SF3B1: variants seen among roughly 807,000 people sequenced by gnomAD.
SF3B1 encodes the protein splicing factor 3b subunit 1.
A neutral mutation model predicts 153.8 loss-of-function variants in SF3B1; 12 were observed. The ratio of observed to expected loss-of-function variants is 0.08; its 90% confidence interval spans 0.05 to 0.13. The LOEUF (loss-of-function observed/expected upper bound fraction) is 0.13. SF3B1 is among the 10% of genes least tolerant of loss of function. SF3B1 has a pLI of 1.00. For missense variants in SF3B1, 513 were observed against 1,606.1 expected, an observed-to-expected ratio of 0.32 and a Z score of 11.63; for synonymous variants, 498 against 525.2, an observed-to-expected ratio of 0.95 and a Z score of 0.71.
Position 197,392,279 on chromosome 2 carries a change from T to C in SF3B1, c.*24A>G, listed in dbSNP as rs749888349. 1.0e-6 allele frequency: 1 copy of C among 971,810 alleles called. No homozygotes were observed. Among genetic ancestry groups the C allele is most frequent in the Non-Finnish European group, 1.6e-6 (1 of 611,152 alleles). The allele number at this position is 971,810 out of a possible 1,614,324, so 60.2% of individuals were successfully genotyped here. A position where few individuals can be genotyped will look rare whatever the true frequency, so the allele number is the denominator to read the frequency against. ...GTTTAAGGTGTGAAGTAGCTGTGCATTAAACACAAAATAAACAATAAAATT... is the reference window on the plus strand; with the variant it reads ...GTTTAAGGTGTGAAGTAGCTGTGCACTAAACACAAAATAAACAATAAAATT... On this transcript the variant is annotated 3_prime_UTR_variant, in exon 25 of 25. Coordinates refer to ENST00000335508, the MANE Select transcript of SF3B1 (RefSeq NM_012433.4).
Position 197,400,520 on chromosome 2 carries a change from C to A in SF3B1, c.2719-86G>T. 1 of 1,215,298 alleles carries A rather than the reference C, an allele frequency of 8.2e-7. No individual in the cohort carries two copies. The highest frequency in any genetic ancestry group is 1.5e-5 in the South Asian group (1 of 65,688). 75.3% of individuals were successfully genotyped at this position (1,215,298 alleles called of 1,614,324 possible). Reference sequence around the variant, plus strand: ...ACACTAAGAGTCAACCTTTTCTAACCACCCAAACATCTGTTGCTGTTTTTT... The same window carrying A: ...ACACTAAGAGTCAACCTTTTCTAACAACCCAAACATCTGTTGCTGTTTTTT... On this transcript the variant is annotated intron_variant, in intron 18 of 24. Transcript: ENST00000335508. The surrounding 1 kb of genome is among the most constrained non-coding windows in gnomAD (Gnocchi z 5.0).
At chr2:197,428,828 G>T (rs1221476239) in intron 1 of SF3B1, among the ~76,000 whole-genome samples, 1 of 152,126 alleles carries the variant, frequency 6.6e-6, no homozygotes, top group Non-Finnish European at 1.5e-5. Context: ...CTGGGAGGTG[G>T]AGGTTGCAGT....
chr2:197,418,662 C>T, intron 4 of SF3B1, 74 bp from the exon 5 acceptor site: 1 of 1,546,408 alleles, frequency 6.5e-7, no homozygotes, highest in Admixed American at 2.0e-5. Flanking sequence ...ATTTATCTGC[C>T]CTGCTCTAAA....
intron 6 of SF3B1, 45 bp downstream of exon 6, chr2:197,416,695 GA>G (rs1241871978): frequency 6.4e-6 from 10 of 1,570,516 alleles, no homozygotes; most frequent in African/African-American, 1.4e-5. Flanking sequence ...GTCCATAACA[GA>G]AAAAAATTTT....
rs369450323 is a variant in SF3B1 at position 197,392,574 on chromosome 2, G to GA, written c.3757-114_3757-113insT. 50 of 354,546 alleles carry GA rather than the reference G, an allele frequency of 1.4e-4. 3 individuals carry two copies. Among genetic ancestry groups the GA allele is most frequent in the African/African-American group, 1.1e-3 (49 of 43,674 alleles). The allele number at this position is 354,546 out of a possible 1,614,324, so 22.0% of individuals were successfully genotyped here. A position where few individuals can be genotyped will look rare whatever the true frequency, so the allele number is the denominator to read the frequency against. ...AAATTATTTCCCTTGGGGAGTTGGG[G>GA]GGGGGGGAACCTACTAATTACACTG... On this transcript the variant is annotated intron_variant, in intron 24 of 24. Coordinates refer to ENST00000335508, the MANE Select transcript of SF3B1 (RefSeq NM_012433.4).
chr2:197,407,024 G>A (rs922011623), intron 9 of SF3B1, among the ~76,000 whole-genome samples: 6 of 151,888 alleles, frequency 4.0e-5, no homozygotes, highest in Non-Finnish European at 7.4e-5. Flanking sequence ...GGAGTCCAAG[G>A]CTGCAGTGAG....
chr2:197,410,020 A>T lies in SF3B1; in HGVS notation c.667-13T>A, dbSNP rs1159594716. On this transcript the variant is annotated splice_polypyrimidine_tract_variant and intron_variant, in intron 6 of 24. Coordinates refer to ENST00000335508, the MANE Select transcript of SF3B1 (RefSeq NM_012433.4). ...TATGCCCAGGGGTCTTAAAAAAGCA[A>T]AAAAATTTTATTTCACACACCCACA... is the stretch of plus-strand genomic sequence containing the variant. The T allele has an allele frequency of 1.9e-6, 3 of 1,557,144 alleles. No individual in the cohort carries two copies. Among genetic ancestry groups the T allele is most frequent in the Non-Finnish European group, 2.6e-6 (3 of 1,141,850 alleles).
chr2:197,398,821 A>G (rs940803297), intron 20 of SF3B1: 3 of 513,520 alleles, frequency 5.8e-6, no homozygotes, highest in Non-Finnish European at 3.6e-6. Context: ...TGGATACTCA[A>G]TAACAAAAAA....
rs144553283 is a variant in SF3B1 at position 197,396,139 on chromosome 2, G to A, written c.3456C>T (p.Ser1152=). The change falls in exon 23 of 25, where the codon TCC becomes TCT. Residue 1152 remains serine, a synonymous_variant. Coordinates refer to ENST00000335508, the MANE Select transcript of SF3B1 (RefSeq NM_012433.4). Reference sequence around the variant, plus strand: ...TTTCACCAATATATTCAAACAAGAAGGAAAGCGATTTTAACACTCCATTTT... The same window carrying A: ...TTTCACCAATATATTCAAACAAGAAAGAAAGCGATTTTAACACTCCATTTT... ...NVQNGVLKSL[S]FLFEYIGEMG... is the part of the protein sequence containing the mutation. 1,130 of 1,613,800 alleles carry A rather than the reference G, an allele frequency of 7.0e-4. No homozygotes were observed. The highest frequency in any genetic ancestry group is 8.6e-4 in the Non-Finnish European group (1,010 of 1,179,760).
chr2:197,395,121 T>G (rs2084861307), intron 23 of SF3B1, among the ~76,000 whole-genome samples: 1 of 152,232 alleles, frequency 6.6e-6, no homozygotes, highest in South Asian at 2.1e-4. Flanking sequence ...ATTACTCCCT[T>G]AACTTCTTAG....
At chr2:197,395,903 A>C (rs1358260254) in intron 23 of SF3B1, among the ~76,000 whole-genome samples, 153 bp downstream of exon 23, 2 of 152,242 alleles carry the variant, frequency 1.3e-5, no homozygotes, top group African/African-American at 4.8e-5. Context: ...ATTTTAAAAT[A>C]ATAAGTCATA....
chr2:197,409,003 G>A (rs1305008347), intron 7 of SF3B1, among the ~76,000 whole-genome samples: 1 of 152,184 alleles, frequency 6.6e-6, no homozygotes, highest in African/African-American at 2.4e-5. Flanking sequence ...CAGGCACAGT[G>A]GTTCATGCCT....
At chr2:197,398,773 A>G in intron 20 of SF3B1, 192 bp from the exon 21 acceptor site, 1 of 576,394 alleles carries the variant, frequency 1.7e-6, no homozygotes, top group Non-Finnish European at 3.1e-6. Flanking sequence ...GATTATGTAT[A>G]GAAATGAAAG....
At chr2:197,431,104 CTTTTTTTTTTT>C (rs558644461) in intron 1 of SF3B1, among the ~76,000 whole-genome samples, 3 of 73,656 alleles carry the variant, frequency 4.1e-5, no homozygotes, top group African/African-American at 1.2e-4. Flanking sequence ...GCCTTTTCTT[CTTTTTTTTTTT>C]TTTTTTTTTT....
chr2:197,418,460 G>T, intron 5 of SF3B1, 49 bp downstream of exon 5: 1 of 1,392,316 alleles, frequency 7.2e-7, no homozygotes, highest in Non-Finnish European at 1.0e-6. Flanking sequence ...AATCACAACT[G>T]TATTTATATT....
intron 6 of SF3B1, among the ~76,000 whole-genome samples, chr2:197,412,115 A>G (rs1218661458): frequency 6.6e-6 from 1 of 151,448 alleles, no homozygotes; most frequent in Non-Finnish European, 1.5e-5. Context: ...CTCAAAAAAA[A>G]AAAAAAAAAA....
intron 2 of SF3B1, among the ~76,000 whole-genome samples, chr2:197,423,239 T>C (rs1202548225): frequency 6.6e-6 from 1 of 151,726 alleles, no homozygotes; most frequent in Non-Finnish European, 1.5e-5. Context: ...ATACAAAAAT[T>C]AGCCAGGCAT....
chr2:197,413,222 G>A (rs1295213197), intron 6 of SF3B1, among the ~76,000 whole-genome samples: 9 of 151,952 alleles, frequency 5.9e-5, no homozygotes, highest in African/African-American at 2.2e-4. Context: ...CCAACATGGA[G>A]AAACCCTGTC....
chr2:197,402,835 T>C lies in SF3B1; in HGVS notation c.1807-9A>G, dbSNP rs2105987554. 1 of 1,612,434 alleles carries C rather than the reference T, an allele frequency of 6.2e-7. No individual in the cohort carries two copies. The highest frequency in any genetic ancestry group is 8.5e-7 in the Non-Finnish European group (1 of 1,178,770). ...GTAGCCAGACCAGCAGCCTAAAATG[T>C]AAACAAAGAAAGGACAGTCATGAGT... is the stretch of plus-strand genomic sequence containing the variant. On this transcript the variant is annotated splice_polypyrimidine_tract_variant and intron_variant, in intron 13 of 24. Transcript: ENST00000335508. This position sits in a 1 kb window ranked among gnomAD's most constrained non-coding sequence, Gnocchi z 4.6.
Sources: allele counts gnomAD v4.1 joint callset (sites outside exome capture counted in the v4.1 genomes callset), GRCh38; gene constraint gnomAD v4.1.1; non-coding constraint Gnocchi (gnomAD v3.1); transcripts MANE v1.5; gene names NCBI Gene and HGNC (gene_info 2026-07-23, HGNC 2026-07-21).